Variants in FYB1 observed in about 807,000 individuals in gnomAD.
The protein encoded by FYB1 is FYN binding protein 1.
FYB1 carries 41 observed loss-of-function variants against 94.1 expected under a neutral mutation model. The observed-to-expected ratio is 0.44, with a 90% CI of 0.34 to 0.57. FYB1 has a LOEUF of 0.57. FYB1 is among the 20% of genes least tolerant of loss of function. FYB1 has a pLI of 0.02. For missense variants in FYB1, 1,050 were observed against 976.8 expected, an observed-to-expected ratio of 1.07 and a Z score of -1.00; for synonymous variants, 367 against 353.2, an observed-to-expected ratio of 1.04 and a Z score of -0.44.
rs527374461 is a variant in FYB1 at position 39,191,276 on chromosome 5, C to T, written c.1135+10550G>A. 1.9e-3 allele frequency among the ~76,000 whole-genome samples: 296 copies of T among 152,274 alleles called. 1 individual carries two copies. The highest frequency in any genetic ancestry group is 6.6e-3 in the African/African-American group (273 of 41,560). ...GAAAAACAAGAAAAGAGAAGAGAAG[C>T]GTGTCCCTCTTTACCTCCATAGACC... On this transcript the variant is annotated intron_variant, in intron 2 of 18. Coordinates refer to ENST00000512982, the MANE Select transcript of FYB1 (RefSeq NM_001465.6).
chr5:39,202,439 A>T lies in FYB1; in HGVS notation c.522T>A (p.Thr174=), dbSNP rs376929015. 9 of 1,613,830 alleles carry T rather than the reference A, an allele frequency of 5.6e-6. No homozygotes were observed. The highest frequency in any genetic ancestry group is 7.6e-6 in the Non-Finnish European group (9 of 1,179,852). The change falls in exon 2 of 19, where the codon ACT becomes ACA. Residue 174 remains threonine (T), a synonymous_variant. Transcript: ENST00000512982. ...CTGACATAAATTTCCCTTTAACCCC[A>T]GTCAATTTGGGAAACGCTTGCTTCT... is the stretch of plus-strand genomic sequence containing the variant. ...NEQKQAFPKL[T]GVKGKFMSAS...
In FYB1 at chr5:39,188,825, G is replaced by A. The variant is rs570283059; in HGVS notation, c.1135+13001C>T. ...TGGGACTACTAGCGTGAGCCACTGC[G>A]CCCGTCTGACTACAGTACTTTTTAA... is the stretch of plus-strand genomic sequence containing the variant. On this transcript the variant is annotated intron_variant, in intron 2 of 18. Transcript: ENST00000512982. 3.2e-4 allele frequency among the ~76,000 whole-genome samples: 49 copies of A among 152,132 alleles called. 1 individual carries two copies. The South Asian group carries it at 8.1e-3, about 25-fold the overall frequency.
intron 10 of FYB1, among the ~76,000 whole-genome samples, chr5:39,128,996 A>G (rs138819014): frequency 2.8e-3 from 420 of 152,238 alleles, no homozygotes; most frequent in South Asian, 0.016. Context: ...TGTATGAAAT[A>G]AAAAAGAGCA....
chr5:39,176,958 T>TG (rs1745793525), intron 2 of FYB1, among the ~76,000 whole-genome samples: 1 of 152,148 alleles, frequency 6.6e-6, no homozygotes. Context: ...TTCCAGAGAC[T>TG]GGGGGGTTAC....
intron 9 of FYB1, among the ~76,000 whole-genome samples, chr5:39,130,934 T>C (rs1741146423): frequency 6.6e-6 from 1 of 152,154 alleles, no homozygotes; most frequent in Non-Finnish European, 1.5e-5. Context: ...ATTCCATAGA[T>C]GGACCATTAA....
chr5:39,207,046 A>G (rs989818901), intron 1 of FYB1, among the ~76,000 whole-genome samples: 1 of 152,048 alleles, frequency 6.6e-6, no homozygotes, highest in African/African-American at 2.4e-5. Context: ...GGTGCGTGTT[A>G]TTTGCAGAAC....
In FYB1 at chr5:39,135,032, T is replaced by A. The variant is rs777244519; in HGVS notation, c.1516-18A>T. 6 of 1,608,654 alleles carry A rather than the reference T, an allele frequency of 3.7e-6. No homozygotes were observed. In the South Asian group the frequency reaches 6.6e-5, roughly 18 times the overall value. ...CCTGTTAGCTGCAAAGAGAAAAAAA[T>A]AGTCACAAAAGATTTCCTTATAATT... On this transcript the variant is annotated intron_variant, in intron 7 of 18. Coordinates refer to ENST00000512982, the MANE Select transcript of FYB1 (RefSeq NM_001465.6).
chr5:39,136,544 A>C (rs1181821272), intron 7 of FYB1, among the ~76,000 whole-genome samples: 3 of 152,198 alleles, frequency 2.0e-5, no homozygotes, highest in Non-Finnish European at 4.4e-5. Context: ...GATACAGTGT[A>C]TGCTCTGCAT....
chr5:39,140,693 T>C (rs1028029414), intron 4 of FYB1, among the ~76,000 whole-genome samples: 5 of 152,298 alleles, frequency 3.3e-5, no homozygotes, highest in African/African-American at 1.2e-4. Flanking sequence ...TGTGGATGCA[T>C]ACCATGGAGT....
In FYB1 at chr5:39,126,060, G is replaced by A. The variant is rs1740633893; in HGVS notation, c.1983C>T (p.Asp661=). 1.9e-6 allele frequency: 3 copies of A among 1,613,228 alleles called. No individual in the cohort carries two copies. The highest frequency in any genetic ancestry group is 2.5e-6 in the Non-Finnish European group (3 of 1,179,568). ...GTTTCTCTCGTATACTTTTCTTTCT[G>A]TCATCTTTTCCCTTTAACATCTTCA... ...GILKMLKGKD[D]RKKSIREKPK... is the part of the protein sequence containing the mutation. The change falls in exon 12 of 19, where the codon GAC becomes GAT. Residue 661 remains aspartate, a synonymous_variant. Transcript: ENST00000512982.
chr5:39,139,312 G>T (rs1741946158), intron 4 of FYB1, 60 bp from the exon 5 acceptor site: 3 of 1,272,692 alleles, frequency 2.4e-6, no homozygotes, highest in Non-Finnish European at 3.2e-6. Flanking sequence ...TTTAATGTAA[G>T]ATTATTGGAT....
chr5:39,227,878 A>G (rs1308672431), intron 1 of FYB1, among the ~76,000 whole-genome samples: 1 of 152,132 alleles, frequency 6.6e-6, no homozygotes, highest in African/African-American at 2.4e-5. Flanking sequence ...CTCTTTATAG[A>G]ATTGTTTTTC....
intron 2 of FYB1, among the ~76,000 whole-genome samples, chr5:39,184,849 T>A (rs1200140164): frequency 6.6e-6 from 1 of 152,170 alleles, no homozygotes; most frequent in Non-Finnish European, 1.5e-5. Flanking sequence ...CAAGAGATGA[T>A]GCACAACCTG....
At chr5:39,129,717 A>G (rs1386998653) in intron 10 of FYB1, among the ~76,000 whole-genome samples, 1 of 152,118 alleles carries the variant, frequency 6.6e-6, no homozygotes, top group African/African-American at 2.4e-5. Context: ...AATGCTCAAC[A>G]TCACTAATCA....
intron 2 of FYB1, among the ~76,000 whole-genome samples, chr5:39,191,200 A>T (rs1238893635): frequency 6.6e-6 from 1 of 152,220 alleles, no homozygotes; most frequent in Admixed American, 6.5e-5. Flanking sequence ...ATCGCCACAC[A>T]GGTTGCTTTT....
upstream of FYB1, among the ~76,000 whole-genome samples, chr5:39,224,497 G>T (rs1308392013): frequency 6.6e-6 from 1 of 152,088 alleles, no homozygotes; most frequent in Admixed American, 6.5e-5. Flanking sequence ...AACATATATT[G>T]ACTTGTCAAG....
chr5:39,253,547 T>C (rs1261271779), intron 1 of FYB1, among the ~76,000 whole-genome samples: 1 of 152,152 alleles, frequency 6.6e-6, no homozygotes, highest in Non-Finnish European at 1.5e-5. Flanking sequence ...AGGCATAGGA[T>C]TGTTACACAG....
At chr5:39,200,362 G>A (rs1440422383) in intron 2 of FYB1, among the ~76,000 whole-genome samples, 1 of 152,198 alleles carries the variant, frequency 6.6e-6, no homozygotes, top group Non-Finnish European at 1.5e-5. Context: ...CCACACTGGA[G>A]CGGGAGTGAA....
intron 2 of FYB1, among the ~76,000 whole-genome samples, chr5:39,198,958 G>C (rs1348802951): frequency 6.6e-6 from 1 of 151,806 alleles, no homozygotes; most frequent in Non-Finnish European, 1.5e-5. Context: ...CTGAAGACTT[G>C]GATTTTAGCC....
Sources: allele counts gnomAD v4.1 joint callset (sites outside exome capture counted in the v4.1 genomes callset), GRCh38; gene constraint gnomAD v4.1.1; transcripts MANE v1.5; gene names NCBI Gene and HGNC (gene_info 2026-07-23, HGNC 2026-07-21).